The following AHI1 variants were observed in gnomAD, a reference collection of about 807,000 sequenced individuals.
AHI1 encodes the protein Abelson helper integration site 1, also known as jouberin.
In AHI1, 123 loss-of-function variants were observed where a neutral mutation model predicts 149.3. The observed-to-expected ratio is 0.82, with a 90% CI of 0.71 to 0.96. The LOEUF (loss-of-function observed/expected upper bound fraction) is 0.96. AHI1 is among the 40% of genes least tolerant of loss of function. AHI1 has a pLI of 0.00. For missense variants in AHI1, 1,439 were observed against 1,422.7 expected (o/e 1.01, Z -0.18); for synonymous variants, 475 against 459.8 (o/e 1.03, Z -0.42).
At chr6:135,376,335 T>C (rs1404866227) in intron 23 of AHI1, among the ~76,000 whole-genome samples, 1 of 152,192 alleles carries the variant, frequency 6.6e-6, no homozygotes, top group African/African-American at 2.4e-5. Flanking sequence ...TAAAGTATCA[T>C]TCCACAGATT....
intron 19 of AHI1, among the ~76,000 whole-genome samples, chr6:135,428,119 G>T (rs1408493568): frequency 6.6e-6 from 1 of 151,520 alleles, no homozygotes; most frequent in African/African-American, 2.4e-5. Context: ...CTTTTGAAAA[G>T]CAAAGGTGAG....
chr6:135,464,189 A>G (rs1467797980), intron 7 of AHI1, among the ~76,000 whole-genome samples: 2 of 152,204 alleles, frequency 1.3e-5, no homozygotes, highest in African/African-American at 2.4e-5. Flanking sequence ...TATTTCAAAA[A>G]AAAAATGGGT....
rs750829579 is a variant in AHI1 at position 135,323,219 on chromosome 6, C to T, written c.3271G>A (p.Gly1091Ser). The T allele has an allele frequency of 2.5e-5, 41 of 1,613,694 alleles. 1 individual carries two copies. The highest frequency in any genetic ancestry group is 2.0e-4 in the Admixed American group (12 of 59,996). ...FFKDNEDWWY[G>S]SIGKGQEGYF... ...CCTTCCTGTCCCTTTCCTATGCTGC[C>T]ATACCACCAGTCTTCATTATCTTTG... Residue 1091 changes from glycine (G) to serine (S), a missense_variant, in exon 25 of 29, where the codon GGC (glycine) becomes AGC (serine). Coordinates refer to ENST00000265602, the MANE Select transcript of AHI1 (RefSeq NM_001134831.2).
intron 23 of AHI1, among the ~76,000 whole-genome samples, chr6:135,366,319 T>C (rs1382359416): frequency 4.6e-5 from 7 of 152,154 alleles, no homozygotes. Flanking sequence ...TTAGGAAAGA[T>C]TCCCTTGTTC....
chr6:135,409,361 T>A (rs1317347676), intron 21 of AHI1, among the ~76,000 whole-genome samples: 1 of 152,150 alleles, frequency 6.6e-6, no homozygotes, highest in Non-Finnish European at 1.5e-5. Flanking sequence ...TTAAAATTAG[T>A]ATGTTTTCAT....
At chr6:135,354,149 T>G (rs1792587674) in intron 24 of AHI1, among the ~76,000 whole-genome samples, 2 of 152,132 alleles carry the variant, frequency 1.3e-5, no homozygotes, top group South Asian at 4.1e-4. Flanking sequence ...CAAAATCCAT[T>G]TGCTAAAAGA....
chr6:135,376,921 A>AAAAAAAAAAT (rs1776025303), intron 23 of AHI1, among the ~76,000 whole-genome samples: 1 of 128,690 alleles, frequency 7.8e-6, no homozygotes, highest in African/African-American at 2.9e-5. Flanking sequence ...AAAAAAAAAA[A>AAAAAAAAAAT]GTTGGTCCAG....
chr6:135,371,737 G>A (rs1265178265), intron 23 of AHI1, among the ~76,000 whole-genome samples: 1 of 152,162 alleles, frequency 6.6e-6, no homozygotes, highest in Non-Finnish European at 1.5e-5. Flanking sequence ...AAGACAAGAA[G>A]GCTAGCAAAC....
intron 22 of AHI1, among the ~76,000 whole-genome samples, chr6:135,401,160 CTTG>C (rs1193652960): frequency 6.6e-6 from 1 of 152,164 alleles, no homozygotes; most frequent in East Asian, 1.9e-4. Flanking sequence ...TGACTAGCTC[CTTG>C]TTAAGTGTTT....
rs1783968709 is a variant in AHI1 at position 135,302,233 on chromosome 6, T to C, written c.3427-1675A>G. ...CAGCAACTTACCATCAATATAGGTA[T>C]ATATGAAACTTGATAAAACTTTTCA... On this transcript the variant is annotated intron_variant, in intron 26 of 28. Coordinates refer to ENST00000265602, the MANE Select transcript of AHI1 (RefSeq NM_001134831.2). 12 of 985,344 alleles carry C rather than the reference T, an allele frequency of 1.2e-5. No homozygotes were observed. In the South Asian group the frequency reaches 2.8e-4, roughly 23 times the overall value. The allele number at this position is 985,344 out of a possible 1,614,324, so 61.0% of individuals were successfully genotyped here.
chr6:135,453,471 A>G, intron 10 of AHI1, 35 bp from the exon 11 acceptor site: 1 of 1,397,838 alleles, frequency 7.2e-7, no homozygotes, highest in South Asian at 1.3e-5. Flanking sequence ...AAGCTACCTA[A>G]AATTTAATAT....
At chr6:135,449,893 G>A (rs1787836203) in intron 11 of AHI1, among the ~76,000 whole-genome samples, 1 of 152,162 alleles carries the variant, frequency 6.6e-6, no homozygotes, top group Non-Finnish European at 1.5e-5. Flanking sequence ...GTGACTTGTA[G>A]CTACCAAAAC....
chr6:135,400,266 A>G (rs1237559989), intron 22 of AHI1, among the ~76,000 whole-genome samples: 1 of 152,216 alleles, frequency 6.6e-6, no homozygotes, highest in Non-Finnish European at 1.5e-5. Flanking sequence ...AGAAAAATTA[A>G]AAAAATATTT....
intron 24 of AHI1, among the ~76,000 whole-genome samples, chr6:135,343,047 GA>G (rs200550265): frequency 1.6e-4 from 24 of 150,106 alleles, no homozygotes; most frequent in African/African-American, 4.6e-4. Context: ...AACAAAATCT[GA>G]AAAAAAACAA....
At position 135,300,803 on chromosome 6, in the gene AHI1, T is replaced by C. The variant is rs1219284509; in HGVS notation, c.3427-245A>G. 2.7e-6 allele frequency: 3 copies of C among 1,114,858 alleles called. No homozygotes were observed. In the African/African-American group the frequency reaches 5.4e-5, roughly 20 times the overall value. 69.1% of individuals were successfully genotyped at this position (1,114,858 alleles called of 1,614,324 possible). The stretch of plus-strand genomic sequence containing the variant: ...ACTCATTTATAAGTAAAGTCAGCTT[T>C]CAGGTATGTGACCAAAAAAAAAAAA... On this transcript the variant is annotated intron_variant, in intron 26 of 28. Coordinates refer to ENST00000265602, the MANE Select transcript of AHI1 (RefSeq NM_001134831.2).
rs188189121 is a variant in AHI1, at chr6:135,287,818, C to T, written c.3589-2171G>A. Among the ~76,000 whole-genome samples the T allele has an allele frequency of 4.6e-5, 7 of 152,212 alleles. No individual in the cohort carries two copies. In the East Asian group the frequency reaches 5.8e-4, roughly 13 times the overall value. ...ATTCATAAAAATACCGGGCCGTGGC[C>T]GGGCATGGTGGCTCATGCCTGTCAT... On this transcript the variant is annotated intron_variant, in intron 28 of 28. Transcript: ENST00000265602.
rs1012762250 is a variant in AHI1, at chr6:135,407,960, A to G, written c.2962-2983T>C. ...TGAGGCAGGAGAATGGCGTGAACCC[A>G]GGAGGCAGAGCTTGCAGTGAGCTGA... On this transcript the variant is annotated intron_variant, in intron 21 of 28. Coordinates refer to ENST00000265602, the MANE Select transcript of AHI1 (RefSeq NM_001134831.2). 1.0e-3 allele frequency among the ~76,000 whole-genome samples: 158 copies of G among 152,012 alleles called. 1 individual carries two copies. Among genetic ancestry groups the G allele is most frequent in the Middle Eastern group, 3.4e-3 (1 of 294 alleles).
At chr6:135,320,399 C>T (rs1786633967) in intron 25 of AHI1, among the ~76,000 whole-genome samples, 1 of 152,186 alleles carries the variant, frequency 6.6e-6, no homozygotes, top group South Asian at 2.1e-4. Context: ...CTGCAATATG[C>T]TTCAGAGGTC....
intron 24 of AHI1, among the ~76,000 whole-genome samples, chr6:135,357,024 C>T (rs1793073817): frequency 1.3e-5 from 2 of 152,170 alleles, no homozygotes; most frequent in South Asian, 4.1e-4. Flanking sequence ...CAGCAACCTT[C>T]ACCTCCTGGG....
Sources: gnomAD v4.1 joint callset for allele counts (sites outside exome capture counted in the v4.1 genomes callset) on GRCh38, gnomAD v4.1.1 for gene constraint, MANE v1.5 for transcripts, NCBI Gene and HGNC (gene_info 2026-07-23, HGNC 2026-07-21) for gene names.